BICDL1: variants seen among roughly 807,000 people sequenced by gnomAD.
BICDL1 encodes the protein BICD family-like cargo adapter 1.
Under a neutral mutation model 76.8 loss-of-function variants are expected in BICDL1, and 20 were observed. The ratio of observed to expected loss-of-function variants is 0.26; its 90% CI spans 0.18 to 0.38. The LOEUF (loss-of-function observed/expected upper bound fraction) is 0.38. Ranked by LOEUF, BICDL1 falls within the 10% of genes least tolerant of loss-of-function variation. The pLI is 1.00. For synonymous variants in BICDL1, 383 were observed against 337.1 expected, an observed-to-expected ratio of 1.14 and a Z score of -1.49; for missense variants, 700 against 798.6, an observed-to-expected ratio of 0.88 and a Z score of 1.49.
At chr12:120,004,936 C>T (rs1405814851) in intron 2 of BICDL1, among the ~76,000 whole-genome samples, 6 of 152,118 alleles carry the variant, frequency 3.9e-5, no homozygotes. Flanking sequence ...ATTCTCCTGT[C>T]TCAGCCTCCT....
At chr12:120,085,799 CAA>C (rs35399078) in intron 8 of BICDL1, among the ~76,000 whole-genome samples, 140 of 69,688 alleles carry the variant, frequency 2.0e-3, no homozygotes, top group African/African-American at 3.3e-3. Context: ...GATCCTGCCT[CAA>C]AAAAAAAAAA....
chr12:120,018,906 G>T (rs1385124577), intron 2 of BICDL1: 1 of 151,526 alleles, frequency 6.6e-6, no homozygotes, highest in Non-Finnish European at 1.5e-5. Context: ...TTAGCCGGGC[G>T]TAGTGGCGGG....
chr12:120,045,587 C>A (rs1057106336), intron 2 of BICDL1, among the ~76,000 whole-genome samples: 3 of 151,710 alleles, frequency 2.0e-5, no homozygotes, highest in Non-Finnish European at 4.4e-5. Context: ...TACTATGCAG[C>A]CATAAAAAAT....
In BICDL1 at chr12:120,093,099, C is replaced by T. The variant is rs375419624; in HGVS notation, c.1804C>T (p.Arg602Trp). The T allele has an allele frequency of 8.3e-5, 119 of 1,437,958 alleles. No homozygotes were observed. The highest frequency in any genetic ancestry group is 9.7e-5 in the Non-Finnish European group (102 of 1,055,992). 89.1% of individuals were successfully genotyped at this position (1,437,958 alleles called of 1,614,324 possible). The change falls in exon 10 of 10, where the codon CGG (arginine) becomes TGG (tryptophan). Residue 602 changes from arginine to tryptophan, a missense_variant. Physicochemically the swap from Arg to Trp is moderately radical, Grantham distance 101 (BLOSUM62 -3). Coordinates refer to ENST00000548673, the MANE Select transcript of BICDL1 (RefSeq NM_001367886.1). Reference sequence around the variant, plus strand: ...CCTCTGCAGGGGCCACAGCGCTGGGCGGGGGGATGAGCCCAGCATCGCTGA... The same window carrying T: ...CCTCTGCAGGGGCCACAGCGCTGGGTGGGGGGATGAGCCCAGCATCGCTGA... ...AALCRGHSAG[R>W]GDEPSIAEGK...
At chr12:120,028,311 C>T (rs1465338564) in intron 2 of BICDL1, among the ~76,000 whole-genome samples, 1 of 151,996 alleles carries the variant, frequency 6.6e-6, no homozygotes, top group Non-Finnish European at 1.5e-5. Flanking sequence ...TTCTTAGGCT[C>T]TTCTGTTTCA....
chr12:120,048,645 T>A (rs972281059), intron 2 of BICDL1, among the ~76,000 whole-genome samples: 1 of 152,234 alleles, frequency 6.6e-6, no homozygotes, highest in Non-Finnish European at 1.5e-5. Context: ...CCTCTGGGCC[T>A]CAGTTTCCTC....
At chr12:120,084,727 T>C (rs1454095348) in intron 8 of BICDL1, among the ~76,000 whole-genome samples, 2 of 151,196 alleles carry the variant, frequency 1.3e-5, no homozygotes, top group Non-Finnish European at 3.0e-5. Flanking sequence ...CCGTCTCTAC[T>C]AAAAATACAA....
At chr12:120,005,443 G>A (rs999826763) in intron 2 of BICDL1, among the ~76,000 whole-genome samples, 1 of 152,122 alleles carries the variant, frequency 6.6e-6, no homozygotes, top group East Asian at 1.9e-4. Context: ...GCACAATCTC[G>A]GCACACTGCA....
chr12:120,094,320 G>A lies in BICDL1; in HGVS notation c.*1159G>A. On this transcript the variant is annotated 3_prime_UTR_variant, in exon 10 of 10. Transcript: ENST00000548673. ...AGGGATGCGCGGCAAGAATGTACCT[G>A]TAGATGTGTACATACCACAGTGCTG... 2.2e-6 allele frequency: 1 copy of A among 456,752 alleles called. No individual in the cohort carries two copies. The highest frequency in any genetic ancestry group is 4.4e-6 in the Non-Finnish European group (1 of 226,976). 28.3% of individuals were successfully genotyped at this position (456,752 alleles called of 1,614,324 possible). A position where few individuals can be genotyped will look rare whatever the true frequency, so the allele number is the denominator to read the frequency against.
intron 2 of BICDL1, among the ~76,000 whole-genome samples, chr12:120,044,724 CGGCGTTATTTCTGAG>C (rs1263522834): frequency 3.9e-5 from 6 of 151,920 alleles, no homozygotes; most frequent in Admixed American, 3.9e-4. Context: ...TGTAGATATG[CGGCGTTATTTCTGAG>C]GGCTCTGTTC....
At chr12:119,996,950 ATTTT>A (rs368753843) in intron 1 of BICDL1, among the ~76,000 whole-genome samples, 1 of 121,420 alleles carries the variant, frequency 8.2e-6, no homozygotes, top group Non-Finnish European at 1.8e-5. Context: ...AAACAAAAAG[ATTTT>A]TTTTTTTTTT....
At position 120,072,545 on chromosome 12, in the gene BICDL1, T is replaced by C. The variant is rs756350558; in HGVS notation, c.1124T>C (p.Val375Ala). Residue 375 changes from valine (V) to alanine (A), a missense_variant, in exon 6 of 10, where the codon GTT (valine) becomes GCT (alanine). This residue lies in a region of BICDL1 where 455 missense variants were observed against 548.7 expected (regional missense o/e 0.83). Transcript: ENST00000548673. ...CAGCTCTGGGAAGCCTACTGCCAGG[T>C]TCGCTATCTGTGCTCACACCTTCGA... ...RLQLWEAYCQ[V>A]RYLCSHLRGN... 10 of 1,614,168 alleles carry C rather than the reference T, an allele frequency of 6.2e-6. No individual in the cohort carries two copies. Among genetic ancestry groups the C allele is most frequent in the Non-Finnish European group, 8.5e-6 (10 of 1,180,008 alleles).
intron 2 of BICDL1, among the ~76,000 whole-genome samples, chr12:120,015,026 GAGTC>G (rs1157941995): frequency 6.6e-6 from 1 of 152,080 alleles, no homozygotes; most frequent in Admixed American, 6.6e-5. Context: ...AATCTTATGA[GAGTC>G]AGGGAAAGTG....
chr12:120,054,326 C>T (rs1320124811), intron 2 of BICDL1, among the ~76,000 whole-genome samples: 1 of 152,042 alleles, frequency 6.6e-6, no homozygotes, highest in Non-Finnish European at 1.5e-5. Flanking sequence ...CTGCCTGCCT[C>T]AGCCTCCCAA....
At chr12:120,083,537 A>C (rs999874250) in intron 8 of BICDL1, among the ~76,000 whole-genome samples, 1 of 152,210 alleles carries the variant, frequency 6.6e-6, no homozygotes, top group African/African-American at 2.4e-5. Flanking sequence ...AGCAAGAGCC[A>C]CGGTGCCCAG....
chr12:120,031,348 T>C lies in BICDL1; in HGVS notation c.646-30362T>C, dbSNP rs532818528. 3.3e-5 allele frequency among the ~76,000 whole-genome samples: 5 copies of C among 151,934 alleles called. No individual in the cohort carries two copies. The South Asian group carries it at 8.3e-4, about 25-fold the overall frequency. On this transcript the variant is annotated intron_variant, in intron 2 of 9. Transcript: ENST00000548673. The stretch of plus-strand genomic sequence containing the variant: ...CCTCCTCAGTAGCTGGGATGACAGG[T>C]GCCCACCACCATGCCTGGCTAATTT...
At position 120,094,022 on chromosome 12, in the gene BICDL1, G is replaced by A. The variant is rs890082559; in HGVS notation, c.*861G>A. On this transcript the variant is annotated 3_prime_UTR_variant, in exon 10 of 10. Transcript: ENST00000548673. Reference sequence around the variant, plus strand: ...TCTTGGCCTAGCCAAACAAGTCCAGGCCACTGAATGGCACCAGAGGGGTCT... The same window carrying A: ...TCTTGGCCTAGCCAAACAAGTCCAGACCACTGAATGGCACCAGAGGGGTCT... 1.1e-5 allele frequency: 4 copies of A among 361,038 alleles called. No individual in the cohort carries two copies. Among genetic ancestry groups the A allele is most frequent in the African/African-American group, 8.6e-5 (4 of 46,664 alleles). The allele number at this position is 361,038 out of a possible 1,614,324, so 22.4% of individuals were successfully genotyped here.
intron 9 of BICDL1, among the ~76,000 whole-genome samples, chr12:120,090,489 C>T (rs1874861228): frequency 6.6e-6 from 1 of 152,220 alleles, no homozygotes; most frequent in Non-Finnish European, 1.5e-5. Flanking sequence ...CAAGGGCCAG[C>T]CTCCATTTTC....
chr12:119,993,343 C>T (rs895019533), intron 1 of BICDL1: 1 of 152,182 alleles, frequency 6.6e-6, no homozygotes, highest in South Asian at 2.1e-4. Flanking sequence ...AAATACCTCT[C>T]TGGTTCTGTG....
Sources: allele counts gnomAD v4.1 joint callset (sites outside exome capture counted in the v4.1 genomes callset), GRCh38; gene constraint gnomAD v4.1.1; regional missense constraint gnomAD v4.1.1; transcripts MANE v1.5; gene names NCBI Gene and HGNC (gene_info 2026-07-23, HGNC 2026-07-21).